The following KIAA1549L variants were observed in gnomAD, a reference collection of about 807,000 sequenced individuals.
The protein encoded by KIAA1549L is UPF0606 protein KIAA1549L.
Under a neutral mutation model 160.7 loss-of-function variants are expected in KIAA1549L, and 88 were observed. That is an observed-to-expected ratio of 0.55 (90% CI 0.46 to 0.65). The LOEUF (loss-of-function observed/expected upper bound fraction) is 0.65. KIAA1549L is among the 30% of genes least tolerant of loss of function. The pLI is 0.00. For missense variants in KIAA1549L, 2,258 were observed against 2,437.5 expected (o/e 0.93, Z 1.55); for synonymous variants, 950 against 976.7 (o/e 0.97, Z 0.51).
chr11:33,538,673 A>G (rs1256696281), intron 1 of KIAA1549L, among the ~76,000 whole-genome samples: 1 of 152,218 alleles, frequency 6.6e-6, no homozygotes, highest in Admixed American at 6.5e-5. Context: ...GGCTCTAAAA[A>G]TATTGACTCT....
chr11:33,413,430 C>T (rs1850823163), intron 1 of KIAA1549L, among the ~76,000 whole-genome samples: 1 of 102,602 alleles, frequency 9.7e-6, no homozygotes, highest in African/African-American at 3.6e-5. Context: ...AGAGTGAGAC[C>T]CTGTCTTTAA....
intron 1 of KIAA1549L, among the ~76,000 whole-genome samples, chr11:33,441,713 G>A (rs945337449): frequency 1.5e-3 from 236 of 152,262 alleles, no homozygotes; most frequent in Non-Finnish European, 2.7e-3. Context: ...CTGCATAAAT[G>A]TCGTCTTTTG....
At position 33,559,883 on chromosome 11, in the gene KIAA1549L, C is replaced by T; in HGVS notation, c.3990C>T (p.Leu1330=). 1 of 1,614,032 alleles carries T rather than the reference C, an allele frequency of 6.2e-7. No individual in the cohort carries two copies. The highest frequency in any genetic ancestry group is 1.1e-5 in the South Asian group (1 of 91,080). Residue 1330 remains leucine, a synonymous_variant, in exon 7 of 21, where the codon CTC becomes CTT. Transcript: ENST00000658780. The part of the protein sequence containing the change: ...QLSAELVGFY[L]TYPPLTIAEP... ...CGGCTGAGCTGGTGGGATTCTACCT[C>T]ACCTATCCGCCGCTAACCATTGCTG...
Position 33,645,873 on chromosome 11 carries a change from A to G in KIAA1549L, c.5597A>G (p.His1866Arg), listed in dbSNP as rs1851706286. ...GCCTTCAGCCTGGCATCCGCGGGCCACGCAGGCCAGAGCCGGCACCAAGAG... is the reference window on the plus strand; with the variant it reads ...GCCTTCAGCCTGGCATCCGCGGGCCGCGCAGGCCAGAGCCGGCACCAAGAG... Reference protein sequence around the residue: ...EEAFSLASAGHAGQSRHQEAY... With the variant: ...EEAFSLASAGRAGQSRHQEAY... Residue 1866 changes from histidine (H) to arginine (R), a missense_variant, in exon 17 of 21, where the codon CAC (histidine) becomes CGC (arginine). Physicochemically the swap from His to Arg is conservative, Grantham distance 29 (BLOSUM62 0). Around this residue, in one of 6 missense-constraint regions of KIAA1549L, gnomAD observed 1,359 missense variants for 1,546.6 expected, o/e 0.88. Transcript: ENST00000658780. 6.2e-7 allele frequency: 1 copy of G among 1,613,880 alleles called. No individual in the cohort carries two copies. The highest frequency in any genetic ancestry group is 8.5e-7 in the Non-Finnish European group (1 of 1,179,874).
At chr11:33,581,881 CAAG>C (rs1244180934) in intron 10 of KIAA1549L, among the ~76,000 whole-genome samples, 1 of 151,882 alleles carries the variant, frequency 6.6e-6, no homozygotes, top group Non-Finnish European at 1.5e-5. Context: ...CATACTGCAC[CAAG>C]AAGAAGCACC....
At chr11:33,530,816 T>C (rs1002969656) in intron 1 of KIAA1549L, among the ~76,000 whole-genome samples, 8 of 152,196 alleles carry the variant, frequency 5.3e-5, no homozygotes, top group Non-Finnish European at 1.0e-4. Context: ...AGTCGAGGAT[T>C]GGTAAACAAA....
chr11:33,592,030 C>G (rs1850070287), intron 12 of KIAA1549L, among the ~76,000 whole-genome samples: 2 of 152,144 alleles, frequency 1.3e-5, no homozygotes, highest in Admixed American at 6.5e-5. Flanking sequence ...AGAAGGTTAT[C>G]CTTTAGCTGA....
At chr11:33,408,858 G>A (rs976021969) in intron 1 of KIAA1549L, among the ~76,000 whole-genome samples, 2 of 148,870 alleles carry the variant, frequency 1.3e-5, no homozygotes, top group East Asian at 4.0e-4. Context: ...GGCGAGGCAG[G>A]TGAATCACTT....
intron 1 of KIAA1549L, among the ~76,000 whole-genome samples, chr11:33,382,062 C>G (rs190873946): frequency 1.2e-3 from 190 of 152,232 alleles, no homozygotes; most frequent in African/African-American, 4.3e-3. Context: ...AGGGCGATAA[C>G]AGGTCCTAAG....
At chr11:33,602,626 A>C (rs1009893675) in intron 13 of KIAA1549L, among the ~76,000 whole-genome samples, 1 of 151,994 alleles carries the variant, frequency 6.6e-6, no homozygotes, top group African/African-American at 2.4e-5. Flanking sequence ...CAAGATAACT[A>C]TTCAGTGGCA....
At chr11:33,420,852 T>C (rs1423177443) in intron 1 of KIAA1549L, among the ~76,000 whole-genome samples, 2 of 152,312 alleles carry the variant, frequency 1.3e-5, no homozygotes, top group East Asian at 1.9e-4. Flanking sequence ...AGGGATGTAC[T>C]GTCTGCAATC....
Position 33,406,898 on chromosome 11 carries a change from C to T in KIAA1549L, c.238+30009C>T, listed in dbSNP as rs533736757. On this transcript the variant is annotated intron_variant, in intron 1 of 20. Transcript: ENST00000658780. ...AGACCTACTTAGATTGGCTCCAGCC[C>T]TCCTGTTGCCTGCTGCTGGAGGTGT... Among the ~76,000 whole-genome samples the T allele has an allele frequency of 7.2e-5, 11 of 152,232 alleles. No individual in the cohort carries two copies. The East Asian group carries it at 2.1e-3, about 29-fold the overall frequency.
intron 8 of KIAA1549L, among the ~76,000 whole-genome samples, chr11:33,563,936 G>A (rs1477694544): frequency 1.3e-5 from 2 of 151,978 alleles, no homozygotes; most frequent in African/African-American, 4.8e-5. Flanking sequence ...GTGTCTTGCC[G>A]TGCCTCTATT....
chr11:33,447,835 A>C (rs1020713758), intron 1 of KIAA1549L, among the ~76,000 whole-genome samples: 1 of 152,088 alleles, frequency 6.6e-6, no homozygotes, highest in African/African-American at 2.4e-5. Flanking sequence ...GAGCTCAATA[A>C]ATCTGTAGTT....
At chr11:33,648,889 A>T (rs1464843601) in intron 17 of KIAA1549L, among the ~76,000 whole-genome samples, 1 of 152,230 alleles carries the variant, frequency 6.6e-6, no homozygotes, top group Admixed American at 6.5e-5. Flanking sequence ...GGTAATAAAA[A>T]TAACAGCAAC....
At chr11:33,483,806 T>C (rs1249087444) in intron 1 of KIAA1549L, among the ~76,000 whole-genome samples, 4 of 152,230 alleles carry the variant, frequency 2.6e-5, no homozygotes, top group African/African-American at 9.6e-5. Flanking sequence ...CCTCCCACCA[T>C]GATTGTGAGG....
Position 33,385,453 on chromosome 11 carries a change from C to T in KIAA1549L, c.238+8564C>T, listed in dbSNP as rs550427363. Among the ~76,000 whole-genome samples the T allele has an allele frequency of 1.4e-3, 218 of 152,308 alleles. 1 individual carries two copies. Among genetic ancestry groups the T allele is most frequent in the African/African-American group, 5.1e-3 (212 of 41,560 alleles). On this transcript the variant is annotated intron_variant, in intron 1 of 20. Transcript: ENST00000658780. ...ACTGCCTGGTAGATGTCAGTAACTC[C>T]CCTCACTCTTAGTTGTGACAACCAA...
intron 1 of KIAA1549L, among the ~76,000 whole-genome samples, chr11:33,468,173 C>T (rs979749342): frequency 3.3e-5 from 5 of 152,172 alleles, no homozygotes; most frequent in East Asian, 1.9e-4. Context: ...TAAAACAAAT[C>T]GATTGGCAAG....
At chr11:33,667,107 G>A (rs1852484913) in intron 20 of KIAA1549L, among the ~76,000 whole-genome samples, 1 of 152,158 alleles carries the variant, frequency 6.6e-6, no homozygotes, top group Non-Finnish European at 1.5e-5. Flanking sequence ...TGAGGCAGGA[G>A]AATCACTCGA....
Sources: gnomAD v4.1 joint callset for allele counts (sites outside exome capture counted in the v4.1 genomes callset) on GRCh38, gnomAD v4.1.1 for gene constraint, gnomAD v4.1.1 regional missense constraint, MANE v1.5 for transcripts, NCBI Gene and HGNC (gene_info 2026-07-23, HGNC 2026-07-21) for gene names.